CHCHD6: variants seen among roughly 807,000 people sequenced by gnomAD.
The protein encoded by CHCHD6 is coiled-coil-helix-coiled-coil-helix domain containing 6.
CHCHD6 carries 28 observed loss-of-function variants against 32.3 expected under a neutral mutation model. The observed-to-expected ratio is 0.87, with a 90% CI of 0.64 to 1.19. The LOEUF is 1.19. Among genes scored for constraint, CHCHD6 ranks in the 50% most tolerant of loss-of-function variants. CHCHD6 has a pLI of 0.00. For missense variants in CHCHD6, 333 were observed against 307.0 expected (o/e 1.08, Z -0.63); for synonymous variants, 122 against 117.5 (o/e 1.04, Z -0.25).
chr3:126,761,114 G>A (rs772141931), intron 4 of CHCHD6, among the ~76,000 whole-genome samples: 10 of 152,366 alleles, frequency 6.6e-5, no homozygotes, highest in Admixed American at 3.3e-4. Context: ...ATAGGCATGA[G>A]CCACTGTGCC....
intron 6 of CHCHD6, among the ~76,000 whole-genome samples, chr3:126,954,474 G>T (rs976986901): frequency 1.8e-4 from 27 of 152,246 alleles, no homozygotes; most frequent in Admixed American, 6.5e-5. Context: ...GCTCCATGAG[G>T]CTCAGCCACA....
chr3:126,725,777 A>G (rs1935501357), intron 1 of CHCHD6, among the ~76,000 whole-genome samples: 1 of 152,170 alleles, frequency 6.6e-6, no homozygotes, highest in Non-Finnish European at 1.5e-5. Context: ...TATGTTATGG[A>G]GATGGTGTCT....
chr3:126,905,088 A>T (rs747725092), intron 5 of CHCHD6, among the ~76,000 whole-genome samples: 1 of 152,146 alleles, frequency 6.6e-6, no homozygotes, highest in Non-Finnish European at 1.5e-5. Context: ...AATGTGTCAC[A>T]TCCAGAACGA....
intron 6 of CHCHD6, among the ~76,000 whole-genome samples, chr3:126,937,500 G>GAC (rs1310064270): frequency 2.0e-5 from 3 of 152,338 alleles, no homozygotes; most frequent in African/African-American, 7.2e-5. Context: ...GTCTTGGCCT[G>GAC]TCCATGGGCT....
chr3:126,951,413 T>C (rs768304243), intron 6 of CHCHD6, among the ~76,000 whole-genome samples: 1 of 152,132 alleles, frequency 6.6e-6, no homozygotes, highest in Non-Finnish European at 1.5e-5. Flanking sequence ...AAGCTTTCCA[T>C]GGATGGAAGG....
intron 4 of CHCHD6, among the ~76,000 whole-genome samples, chr3:126,802,251 C>T (rs1299206191): frequency 7.2e-5 from 11 of 152,050 alleles, no homozygotes; most frequent in East Asian, 3.8e-4. Flanking sequence ...AGGCTTCAGA[C>T]GATCAAACTA....
chr3:126,909,781 A>G (rs1459957000), intron 5 of CHCHD6, among the ~76,000 whole-genome samples: 1 of 152,168 alleles, frequency 6.6e-6, no homozygotes, highest in Non-Finnish European at 1.5e-5. Context: ...TTGGGTGCTA[A>G]TTAATGTGTG....
chr3:126,816,832 A>G (rs1366208565), intron 4 of CHCHD6, among the ~76,000 whole-genome samples: 2 of 152,066 alleles, frequency 1.3e-5, no homozygotes, highest in Admixed American at 1.3e-4. Flanking sequence ...CATTTACATT[A>G]GGTATTTCTC....
At chr3:126,910,538 G>C (rs2078074661) in intron 5 of CHCHD6, among the ~76,000 whole-genome samples, 1 of 152,162 alleles carries the variant, frequency 6.6e-6, no homozygotes, top group Non-Finnish European at 1.5e-5. Context: ...GCTCATTTCT[G>C]CTCATCCTTT....
rs572295807 is a variant in CHCHD6 at position 126,814,154 on chromosome 3, AG to A, written c.412-38491del. ...ATCAGAGGTAGTCAGAAAGGAGTAG[AG>A]GTAGGGAAGATGTCTCTACGGAGAG... On this transcript the variant is annotated intron_variant, in intron 4 of 7. Coordinates refer to ENST00000290913, the MANE Select transcript of CHCHD6 (RefSeq NM_032343.3). 1.9e-4 allele frequency among the ~76,000 whole-genome samples: 29 copies of A among 152,326 alleles called. 1 individual carries two copies. The South Asian group carries it at 3.5e-3, about 19-fold the overall frequency.
At chr3:126,863,979 C>G (rs1254850122) in intron 5 of CHCHD6, among the ~76,000 whole-genome samples, 1 of 149,996 alleles carries the variant, frequency 6.7e-6, no homozygotes, top group African/African-American at 2.5e-5. Context: ...CCACCTCCTC[C>G]TCCTCCACCA....
intron 4 of CHCHD6, among the ~76,000 whole-genome samples, chr3:126,844,284 A>G (rs1023718911): frequency 6.6e-6 from 1 of 152,072 alleles, no homozygotes; most frequent in African/African-American, 2.4e-5. Context: ...TTTTTTGTCT[A>G]CTTGTTCTAT....
At chr3:126,736,549 C>T (rs1346447990) in intron 4 of CHCHD6, among the ~76,000 whole-genome samples, 1 of 152,238 alleles carries the variant, frequency 6.6e-6, no homozygotes, top group African/African-American at 2.4e-5. Flanking sequence ...TTTTAAAACC[C>T]TCTTCTGCGT....
Position 126,852,631 on chromosome 3 carries a change from G to C in CHCHD6, c.412-16G>C. On this transcript the variant is annotated splice_polypyrimidine_tract_variant and intron_variant, in intron 4 of 7. Coordinates refer to ENST00000290913, the MANE Select transcript of CHCHD6 (RefSeq NM_032343.3). Reference sequence around the variant, plus strand: ...ATCGCTGCTGGCTAACGTGGGCTTTGTTCTCTTCCAAGCAGGCCAGGGAGC... The same window carrying C: ...ATCGCTGCTGGCTAACGTGGGCTTTCTTCTCTTCCAAGCAGGCCAGGGAGC... 2 of 1,610,192 alleles carry C rather than the reference G, an allele frequency of 1.2e-6. No homozygotes were observed. The highest frequency in any genetic ancestry group is 1.1e-5 in the South Asian group (1 of 90,978).
intron 4 of CHCHD6, among the ~76,000 whole-genome samples, chr3:126,764,312 C>A (rs1369295568): frequency 1.3e-5 from 2 of 151,188 alleles, no homozygotes; most frequent in African/African-American, 2.4e-5. Context: ...TCATGCTAAT[C>A]ATCTTTCAAA....
intron 5 of CHCHD6, among the ~76,000 whole-genome samples, chr3:126,887,159 C>T (rs753384364): frequency 1.3e-5 from 2 of 152,142 alleles, no homozygotes; most frequent in Non-Finnish European, 2.9e-5. Context: ...AAAGCCATCA[C>T]CTGATAGTCA....
At chr3:126,731,296 C>T (rs956514516) in intron 3 of CHCHD6, among the ~76,000 whole-genome samples, 2 of 151,958 alleles carry the variant, frequency 1.3e-5, no homozygotes, top group African/African-American at 4.8e-5. Flanking sequence ...GCACAGGCCA[C>T]GACCCCAAGA....
chr3:126,719,384 G>GC (rs1001634612), intron 1 of CHCHD6, among the ~76,000 whole-genome samples: 46 of 152,236 alleles, frequency 3.0e-4, no homozygotes, highest in South Asian at 2.5e-3. Flanking sequence ...GCGGCTTCTT[G>GC]CCCCCCCTGC....
chr3:126,956,240 C>T (rs765041180), intron 6 of CHCHD6, among the ~76,000 whole-genome samples: 55 of 152,286 alleles, frequency 3.6e-4, no homozygotes, highest in African/African-American at 1.1e-3. Flanking sequence ...TACATTTTTA[C>T]AGCTCTTTTT....
Sources: gnomAD v4.1 joint callset for allele counts (sites outside exome capture counted in the v4.1 genomes callset) on GRCh38, gnomAD v4.1.1 for gene constraint, MANE v1.5 for transcripts, NCBI Gene and HGNC (gene_info 2026-07-23, HGNC 2026-07-21) for gene names.